The following LGR6 variants were observed in gnomAD, a reference collection of about 807,000 sequenced individuals.
LGR6 encodes the protein leucine-rich repeat-containing G protein-coupled receptor 6.
A neutral mutation model predicts 69.4 loss-of-function variants in LGR6; 45 were observed. That is an observed-to-expected ratio of 0.65 (90% CI 0.51 to 0.83). LGR6 has a LOEUF of 0.83. LGR6 is among the 40% of genes least tolerant of loss of function. The probability of loss-of-function intolerance (pLI) is 0.00; values close to 1 mark genes in which losing one functional copy is unlikely to be tolerated. For missense variants in LGR6, 1,108 were observed against 1,246.7 expected, an observed-to-expected ratio of 0.89 and a Z score of 1.68; for synonymous variants, 538 against 555.0, an observed-to-expected ratio of 0.97 and a Z score of 0.43.
intron 3 of LGR6, among the ~76,000 whole-genome samples, chr1:202,235,473 G>T (rs1007717566): frequency 8.5e-5 from 13 of 152,174 alleles, no homozygotes; most frequent in African/African-American, 2.9e-4. Flanking sequence ...CACCCTAAGG[G>T]CAGCCTTATC....
chr1:202,270,994 T>C (rs1026499018), intron 4 of LGR6, among the ~76,000 whole-genome samples: 2 of 152,164 alleles, frequency 1.3e-5, no homozygotes, highest in African/African-American at 4.8e-5. Flanking sequence ...CGAACTGGCC[T>C]GTGAGGTCCC....
At chr1:202,286,477 C>G (rs544014738) in intron 6 of LGR6, among the ~76,000 whole-genome samples, 1 of 152,180 alleles carries the variant, frequency 6.6e-6, no homozygotes, top group Non-Finnish European at 1.5e-5. Context: ...TGTGTATCCT[C>G]ATGTTACAGA....
intron 8 of LGR6, 112 bp from the exon 9 acceptor site, chr1:202,301,052 T>G: frequency 7.5e-7 from 1 of 1,332,804 alleles, no homozygotes; most frequent in Non-Finnish European, 1.1e-6. Context: ...TGCCTTTCCC[T>G]GCATGTTCTT....
chr1:202,300,645 G>C (rs1185980960), intron 7 of LGR6, among the ~76,000 whole-genome samples: 1 of 146,926 alleles, frequency 6.8e-6, no homozygotes, highest in East Asian at 2.0e-4. Context: ...GGGTAACAGA[G>C]ACCCTGTCTC....
intron 4 of LGR6, among the ~76,000 whole-genome samples, chr1:202,241,867 A>G (rs1662240043): frequency 6.6e-6 from 1 of 152,214 alleles, no homozygotes; most frequent in African/African-American, 2.4e-5. Context: ...AAGGACAGCC[A>G]CATGAAACTA....
intron 4 of LGR6, among the ~76,000 whole-genome samples, chr1:202,263,235 G>C (rs554053024): frequency 6.6e-6 from 1 of 152,150 alleles, no homozygotes; most frequent in South Asian, 2.1e-4. Flanking sequence ...CAATTCTCCT[G>C]CCTCAGCCTG....
At chr1:202,204,374 CCACA>C (rs763825102) in intron 1 of LGR6, among the ~76,000 whole-genome samples, 1 of 107,104 alleles carries the variant, frequency 9.3e-6, no homozygotes. Context: ...ACACACACCT[CCACA>C]CACACACCTC....
At position 202,317,200 on chromosome 1, in the gene LGR6, A is replaced by G. The variant is rs536926409; in HGVS notation, c.1649-752A>G. Among the ~76,000 whole-genome samples the G allele has an allele frequency of 2.4e-4, 37 of 152,266 alleles. No individual in the cohort carries two copies. In the South Asian group the frequency reaches 5.4e-3, roughly 22 times the overall value. On this transcript the variant is annotated intron_variant, in intron 17 of 17. Transcript: ENST00000367278. ...CCTCATGCCTCTGTCCCTACCCACC[A>G]TAGCTCCCAATTCTGATACCCTCTC... is the stretch of plus-strand genomic sequence containing the variant.
intron 4 of LGR6, among the ~76,000 whole-genome samples, chr1:202,250,606 A>T (rs1558036007): frequency 1.3e-5 from 2 of 151,782 alleles, no homozygotes; most frequent in Non-Finnish European, 2.9e-5. Context: ...GGGTTTCATC[A>T]TGTTGGTCAG....
At position 202,307,387 on chromosome 1, in the gene LGR6, C is replaced by G; in HGVS notation, c.1266C>G (p.His422Gln). ...SIHPEAFSTL[H>Q]SLVKLDLTDN... ...ACCCCGAGGCCTTCTCCACCCTGCA[C>G]TCCCTGGTCAAGCTGTAAGTGCCTG... The change falls in exon 14 of 18, where the codon CAC becomes CAG. Residue 422 changes from histidine (H) to glutamine (Q), a missense_variant. Physicochemically the swap from His to Gln is conservative, Grantham distance 24. Transcript: ENST00000367278. 1 of 1,614,118 alleles carries G rather than the reference C, an allele frequency of 6.2e-7. No individual in the cohort carries two copies. The highest frequency in any genetic ancestry group is 8.5e-7 in the Non-Finnish European group (1 of 1,179,960).
chr1:202,207,022 ATTC>A (rs1393546141), intron 1 of LGR6, among the ~76,000 whole-genome samples: 3 of 151,898 alleles, frequency 2.0e-5, no homozygotes, highest in African/African-American at 4.8e-5. Context: ...GGTTCAAGCG[ATTC>A]TTCTGCCTCA....
intron 4 of LGR6, among the ~76,000 whole-genome samples, chr1:202,241,352 A>C (rs1387177247): frequency 6.6e-6 from 1 of 152,156 alleles, no homozygotes; most frequent in Non-Finnish European, 1.5e-5. Flanking sequence ...ACCAGCTAGA[A>C]CCAGATGGGG....
chr1:202,224,888 T>C (rs946301480), intron 1 of LGR6, among the ~76,000 whole-genome samples: 5 of 152,150 alleles, frequency 3.3e-5, no homozygotes, highest in Admixed American at 6.5e-5. Flanking sequence ...AGCTCTGGGA[T>C]TGAATCAGAG....
intron 4 of LGR6, among the ~76,000 whole-genome samples, chr1:202,265,261 C>G (rs917764055): frequency 6.6e-6 from 1 of 152,202 alleles, no homozygotes; most frequent in African/African-American, 2.4e-5. Flanking sequence ...TCCCCATGCT[C>G]TCTGTCACCA....
At chr1:202,302,692 G>A (rs370187160) in intron 9 of LGR6, among the ~76,000 whole-genome samples, 8 of 152,010 alleles carry the variant, frequency 5.3e-5, no homozygotes, top group African/African-American at 1.4e-4. Flanking sequence ...GATTACAGGC[G>A]CCCGCCACCA....
At chr1:202,288,279 A>T (rs1438646488) in intron 6 of LGR6, among the ~76,000 whole-genome samples, 2 of 152,032 alleles carry the variant, frequency 1.3e-5, no homozygotes, top group African/African-American at 4.8e-5. Flanking sequence ...CTCCATTCCC[A>T]GCACTCTCCA....
intron 6 of LGR6, among the ~76,000 whole-genome samples, chr1:202,293,414 CTG>C (rs1249258875): frequency 1.3e-5 from 2 of 152,160 alleles, no homozygotes; most frequent in African/African-American, 4.8e-5. Flanking sequence ...TCACTGCAGT[CTG>C]TGAAGGTCCT....
intron 1 of LGR6, among the ~76,000 whole-genome samples, chr1:202,217,978 T>G (rs1659896694): frequency 6.6e-6 from 1 of 152,238 alleles, no homozygotes. Flanking sequence ...GCAAAAAATC[T>G]GAGACAACTT....
At chr1:202,196,752 T>G (rs1571799492) in intron 1 of LGR6, among the ~76,000 whole-genome samples, 1 of 152,054 alleles carries the variant, frequency 6.6e-6, no homozygotes, top group South Asian at 2.1e-4. Context: ...GAGGTGGAGG[T>G]AAACTACCAG....
Sources: allele counts gnomAD v4.1 joint callset (sites outside exome capture counted in the v4.1 genomes callset), GRCh38; gene constraint gnomAD v4.1.1; transcripts MANE v1.5; gene names NCBI Gene and HGNC (gene_info 2026-07-23, HGNC 2026-07-21).